C15orf39: variants seen among roughly 807,000 people sequenced by gnomAD.
C15orf39 encodes the protein uncharacterized protein C15orf39.
Under a neutral mutation model 53.9 loss-of-function variants are expected in C15orf39, and 24 were observed. The observed-to-expected ratio is 0.45, with a 90% CI of 0.32 to 0.63. C15orf39 has a LOEUF of 0.63. Among genes scored for constraint, C15orf39 ranks in the 20% least tolerant of loss-of-function variants. The pLI is 0.04. For missense variants in C15orf39, 1,271 were observed against 1,347.9 expected (o/e 0.94, Z 0.89); for synonymous variants, 569 against 576.5 (o/e 0.99, Z 0.19).
At position 75,207,206 on chromosome 15, in the gene C15orf39, T is replaced by C; in HGVS notation, c.1158T>C (p.Ser386=). ...LSFPYARDDL[S]LYGASPGLGG... ...TTCCTTATGCCCGGGATGACCTCTC[T>C]CTCTATGGAGCATCCCCTGGGCTTG... The change falls in exon 2 of 3, where the codon TCT becomes TCC. Residue 386 remains serine (S), a synonymous_variant. Transcript: ENST00000394987. 1.2e-6 allele frequency: 2 copies of C among 1,613,674 alleles called. No homozygotes were observed. Among genetic ancestry groups the C allele is most frequent in the Non-Finnish European group, 1.7e-6 (2 of 1,179,942 alleles).
chr15:75,201,131 AG>A (rs1469432941), upstream of C15orf39, among the ~76,000 whole-genome samples: 1 of 152,064 alleles, frequency 6.6e-6, no homozygotes, highest in African/African-American at 2.4e-5. This position sits in a 1 kb window ranked among gnomAD's most constrained non-coding sequence, Gnocchi z 4.7. Flanking sequence ...AGCAGCACTG[AG>A]GGGCTCTCAT....
chr15:75,206,801 C>CCAG lies in C15orf39; in HGVS notation c.755_757dup (p.Gln252dup), dbSNP rs1567138469. On this transcript the variant is annotated inframe_insertion, in exon 2 of 3. Transcript: ENST00000394987. Reference sequence around the variant, plus strand: ...CTGAGGGGCCCTCAAGTCCTTGGACCCAGCTGGCCCAGCCCCTGGGGCCAC... The same window carrying CCAG: ...CTGAGGGGCCCTCAAGTCCTTGGACCCAGCAGCTGGCCCAGCCCCTGGGGCCAC... 1 of 1,607,594 alleles carries CCAG rather than the reference C, an allele frequency of 6.2e-7. No homozygotes were observed. The highest frequency in any genetic ancestry group is 2.2e-5 in the East Asian group (1 of 44,874).
chr15:75,207,080 C>T lies in C15orf39; in HGVS notation c.1032C>T (p.Pro344=), dbSNP rs141958294. The T allele has an allele frequency of 6.2e-7, 1 of 1,612,298 alleles. No homozygotes were observed. The highest frequency in any genetic ancestry group is 8.5e-7 in the Non-Finnish European group (1 of 1,179,444). ...YIPPLGLDAY[P]YPSAPLPAPS... Reference sequence around the variant, plus strand: ...CCCCACTGGGGCTGGACGCTTACCCCTACCCCTCTGCCCCTCTCCCAGCAC... The same window carrying T: ...CCCCACTGGGGCTGGACGCTTACCCTTACCCCTCTGCCCCTCTCCCAGCAC... Residue 344 remains proline (P), a synonymous_variant, in exon 2 of 3, where the codon CCC becomes CCT. Transcript: ENST00000394987.
At position 75,207,430 on chromosome 15, in the gene C15orf39, C is replaced by G; in HGVS notation, c.1382C>G (p.Pro461Arg). 1 of 1,613,522 alleles carries G rather than the reference C, an allele frequency of 6.2e-7. No homozygotes were observed. Among genetic ancestry groups the G allele is most frequent in the Non-Finnish European group, 8.5e-7 (1 of 1,180,014 alleles). Residue 461 changes from proline to arginine, a missense_variant, in exon 2 of 3, where the codon CCC becomes CGC. Transcript: ENST00000394987. ...QPRLSEHSGPPIVIRDSPVPC... is the reference protein window; with the variant it reads ...QPRLSEHSGPRIVIRDSPVPC... ...CGGCTCAGTGAGCACTCTGGGCCGCCCATCGTCATCCGAGACAGTCCAGTT... is the reference window on the plus strand; with the variant it reads ...CGGCTCAGTGAGCACTCTGGGCCGCGCATCGTCATCCGAGACAGTCCAGTT...
At chr15:75,199,276 C>G (rs1259143718), upstream of C15orf39, 1 of 152,188 alleles carries the variant, frequency 6.6e-6, no homozygotes, top group Non-Finnish European at 1.5e-5. Context: ...CCATGCCCAA[C>G]CACTGACACT....
Position 75,207,110 on chromosome 15 carries a change from T to A in C15orf39, c.1062T>A (p.Ser354=). The change falls in exon 2 of 3, where the codon TCT becomes TCA. Residue 354 remains serine, a synonymous_variant. Coordinates refer to ENST00000394987, the MANE Select transcript of C15orf39 (RefSeq NM_015492.5). ...CCTCTGCCCCTCTCCCAGCACCCTCTCCAGGCCTCAAGCTGGAGCCGCCTC... is the reference window on the plus strand; with the variant it reads ...CCTCTGCCCCTCTCCCAGCACCCTCACCAGGCCTCAAGCTGGAGCCGCCTC... ...PYPSAPLPAP[S]PGLKLEPPLT... 1 of 1,613,230 alleles carries A rather than the reference T, an allele frequency of 6.2e-7. No individual in the cohort carries two copies.
Position 75,207,818 on chromosome 15 carries a change from T to A in C15orf39, c.1770T>A (p.Ala590=), listed in dbSNP as rs183017901. The change falls in exon 2 of 3, where the codon GCT becomes GCA. Residue 590 remains alanine, a synonymous_variant. Coordinates refer to ENST00000394987, the MANE Select transcript of C15orf39 (RefSeq NM_015492.5). Reference sequence around the variant, plus strand: ...CAGCAGAGGCCTCCCCTGTCAAGGCTTCCCGTTCTGTGGAGCATGCCAAGC... The same window carrying A: ...CAGCAGAGGCCTCCCCTGTCAAGGCATCCCGTTCTGTGGAGCATGCCAAGC... The part of the protein sequence containing the change: ...KPTAEASPVK[A]SRSVEHAKPT... The A allele has an allele frequency of 6.2e-7, 1 of 1,612,622 alleles. No homozygotes were observed. Among genetic ancestry groups the A allele is most frequent in the East Asian group, 2.2e-5 (1 of 44,872 alleles).
In C15orf39 at chr15:75,207,270, C is replaced by T. The variant is rs1472286889; in HGVS notation, c.1222C>T (p.Pro408Ser). 3 of 1,613,530 alleles carry T rather than the reference C, an allele frequency of 1.9e-6. No homozygotes were observed. In the South Asian group the frequency reaches 3.3e-5, roughly 18 times the overall value. The part of the protein sequence containing the change: ...PPSQNNVRAV[P>S]QPGAFQRACQ... ...TTCCCAGAACAATGTGCGGGCTGTG[C>T]CACAGCCTGGTGCCTTCCAGAGGGC... Residue 408 changes from proline to serine, a missense_variant, in exon 2 of 3, where the codon CCA (proline) becomes TCA (serine). By Grantham distance (74) the Pro-to-Ser change is moderately conservative. This residue lies in a region of C15orf39 where 994 missense variants were observed against 993.7 expected (regional missense o/e 1.00). Transcript: ENST00000394987.
At chr15:75,202,126 G>C (rs892648596) in intron 1 of C15orf39, 67 bp downstream of exon 1, 12 of 152,108 alleles carry the variant, frequency 7.9e-5, no homozygotes, top group African/African-American at 2.9e-4. Flanking sequence ...CGTGGAGAAG[G>C]GGCGGGTGGC....
rs1464612490 is a variant in C15orf39 at position 75,208,199 on chromosome 15, C to T, written c.2151C>T (p.Ala717=). 1.9e-6 allele frequency: 3 copies of T among 1,613,892 alleles called. No individual in the cohort carries two copies. Among genetic ancestry groups the T allele is most frequent in the Non-Finnish European group, 8.5e-7 (1 of 1,180,018 alleles). ...ALPSPPAVAV[A]SPAPAPAPSP... ...CCAGCCCTCCAGCCGTAGCTGTGGC[C>T]TCCCCTGCCCCTGCTCCAGCTCCAT... is the stretch of plus-strand genomic sequence containing the variant. The change falls in exon 2 of 3, where the codon GCC becomes GCT. Residue 717 remains alanine, a synonymous_variant. Coordinates refer to ENST00000394987, the MANE Select transcript of C15orf39 (RefSeq NM_015492.5).
In C15orf39 at chr15:75,207,125, G is replaced by A. The variant is rs73437074; in HGVS notation, c.1077G>A (p.Leu359=). Residue 359 remains leucine (L), a synonymous_variant, in exon 2 of 3, where the codon CTG becomes CTA. Transcript: ENST00000394987. ...PLPAPSPGLK[L]EPPLTPRCPL... ...CAGCACCCTCTCCAGGCCTCAAGCT[G>A]GAGCCGCCTCTCACTCCACGGTGCC... 2,301 of 1,613,550 alleles carry A rather than the reference G, an allele frequency of 1.4e-3. 31 individuals are homozygous for A. The African/African-American group carries it at 0.025, about 18-fold the overall frequency.
In C15orf39 at chr15:75,208,787, C is replaced by T. The variant is rs148644970; in HGVS notation, c.2739C>T (p.Leu913=). The T allele has an allele frequency of 2.9e-5, 47 of 1,607,310 alleles. No individual in the cohort carries two copies. Among genetic ancestry groups the T allele is most frequent in the African/African-American group, 2.5e-4 (19 of 75,030 alleles). The change falls in exon 2 of 3, where the codon CTC becomes CTT. Residue 913 remains leucine, a synonymous_variant. Coordinates refer to ENST00000394987, the MANE Select transcript of C15orf39 (RefSeq NM_015492.5). ...TGCCGGACATTTACCCCGACCTTCT[C>T]GGCCTGCAGTGGCGCGACTGTGTAC... ...RQLPDIYPDL[L]GLQWRDCVRR...
In C15orf39 at chr15:75,201,917, G is replaced by C. The variant is rs935615053; in HGVS notation, c.-193G>C. The stretch of plus-strand genomic sequence containing the variant: ...CAGCGGCGGCGCGAACGGCAGCTAG[G>C]AGGGTTGCTCCGGGCTTGGTGCTCA... On this transcript the variant is annotated 5_prime_UTR_variant, in exon 1 of 3. Coordinates refer to ENST00000394987, the MANE Select transcript of C15orf39 (RefSeq NM_015492.5). This position sits in a 1 kb window ranked among gnomAD's most constrained non-coding sequence, Gnocchi z 4.7. 3 of 151,984 alleles carry C rather than the reference G, an allele frequency of 2.0e-5. No individual in the cohort carries two copies. The highest frequency in any genetic ancestry group is 4.4e-5 in the Non-Finnish European group (3 of 67,966). 9.4% of individuals were successfully genotyped at this position (151,984 alleles called of 1,614,324 possible). A position where few individuals can be genotyped will look rare whatever the true frequency, so the allele number is the denominator to read the frequency against.
chr15:75,206,152 T>C lies in C15orf39; in HGVS notation c.104T>C (p.Val35Ala). Residue 35 changes from valine (V) to alanine (A), a missense_variant, in exon 2 of 3, where the codon GTT (valine) becomes GCT (alanine). By Grantham distance (64) the Val-to-Ala change is moderately conservative. Coordinates refer to ENST00000394987, the MANE Select transcript of C15orf39 (RefSeq NM_015492.5). ...CTCGAGCACAGCCTGCCCCACTCTGTTGGTAACCAGGATCCCTGCACCTAC... is the reference window on the plus strand; with the variant it reads ...CTCGAGCACAGCCTGCCCCACTCTGCTGGTAACCAGGATCCCTGCACCTAC... ...SGLEHSLPHS[V>A]GNQDPCTYKG... is the part of the protein sequence containing the mutation. The C allele has an allele frequency of 6.2e-7, 1 of 1,613,996 alleles. No homozygotes were observed. Among genetic ancestry groups the C allele is most frequent in the South Asian group, 1.1e-5 (1 of 91,070 alleles).
intron 2 of C15orf39, 28 bp downstream of exon 2, chr15:75,208,852 C>G (rs1329773661): frequency 6.4e-7 from 1 of 1,561,966 alleles, no homozygotes; most frequent in Admixed American, 1.7e-5. Flanking sequence ...CCAGTGGCCA[C>G]CGGAGCTGTG....
rs368731677 is a variant in C15orf39, at chr15:75,208,396, C to A, written c.2348C>A (p.Ala783Asp). ...TGTGATGCTATTTCTGGCTCCGTCG[C>A]CCACTCTCCTCCAGAGAAGCTTCGC... Reference protein sequence around the residue: ...SLCDAISGSVAHSPPEKLREW... With the variant: ...SLCDAISGSVDHSPPEKLREW... The change falls in exon 2 of 3, where the codon GCC (alanine) becomes GAC (aspartate). Residue 783 changes from alanine (A) to aspartate (D), a missense_variant. Around this residue, in one of 2 missense-constraint regions of C15orf39, gnomAD observed 994 missense variants for 993.7 expected, o/e 1.00. Coordinates refer to ENST00000394987, the MANE Select transcript of C15orf39 (RefSeq NM_015492.5). 3.0e-5 allele frequency: 48 copies of A among 1,605,042 alleles called. 1 individual carries two copies. The highest frequency in any genetic ancestry group is 2.5e-6 in the Non-Finnish European group (3 of 1,176,944).
At chr15:75,205,886 T>C (rs1033286774) in intron 1 of C15orf39, 113 bp from the exon 2 acceptor site, 14 of 706,454 alleles carry the variant, frequency 2.0e-5, no homozygotes, top group Middle Eastern at 4.1e-4. Flanking sequence ...CTGAGCATCA[T>C]TTAAGCGCCA....
Position 75,207,138 on chromosome 15 carries a change from A to C in C15orf39, c.1090A>C (p.Thr364Pro), listed in dbSNP as rs200796716. The change falls in exon 2 of 3, where the codon ACT becomes CCT. Residue 364 changes from threonine to proline, a missense_variant. Physicochemically the swap from Thr to Pro is conservative, Grantham distance 38. This residue lies in a region of C15orf39 where 994 missense variants were observed against 993.7 expected (regional missense o/e 1.00). Coordinates refer to ENST00000394987, the MANE Select transcript of C15orf39 (RefSeq NM_015492.5). ...AGGCCTCAAGCTGGAGCCGCCTCTC[A>C]CTCCACGGTGCCCATTGGACTTTGC... is the stretch of plus-strand genomic sequence containing the variant. ...SPGLKLEPPL[T>P]PRCPLDFAPQ... The C allele has an allele frequency of 5.2e-5, 84 of 1,612,128 alleles. No individual in the cohort carries two copies. The highest frequency in any genetic ancestry group is 3.3e-5 in the Admixed American group (2 of 59,868).
intron 2 of C15orf39, among the ~76,000 whole-genome samples, chr15:75,209,847 G>A (rs2070471026): frequency 6.6e-6 from 1 of 152,216 alleles, no homozygotes; most frequent in Non-Finnish European, 1.5e-5. Context: ...AGGGCCTGTG[G>A]CAGTGAGGTG....
Sources: allele counts gnomAD v4.1 joint callset (sites outside exome capture counted in the v4.1 genomes callset), GRCh38; gene constraint gnomAD v4.1.1; regional missense constraint gnomAD v4.1.1; non-coding constraint Gnocchi (gnomAD v3.1); transcripts MANE v1.5; gene names NCBI Gene and HGNC (gene_info 2026-07-23, HGNC 2026-07-21).